PALS2: variants seen among roughly 807,000 people sequenced by gnomAD.
The protein encoded by PALS2 is protein associated with LIN7 2, MAGUK p55 family member.
PALS2 carries 27 observed loss-of-function variants against 61.6 expected under a neutral mutation model. That is an observed-to-expected ratio of 0.44 (90% CI 0.32 to 0.60). The LOEUF (loss-of-function observed/expected upper bound fraction) is 0.60, where lower values mean the gene tolerates loss of function less well. Among genes scored for constraint, PALS2 ranks in the 20% least tolerant of loss-of-function variants. PALS2 has a pLI of 0.05. For synonymous variants in PALS2, 236 were observed against 218.6 expected (o/e 1.08, Z -0.70); for missense variants, 554 against 639.4 (o/e 0.87, Z 1.44).
chr7:24,662,253 C>T (rs1368360330), intron 5 of PALS2, among the ~76,000 whole-genome samples: 2 of 152,168 alleles, frequency 1.3e-5, no homozygotes, highest in Non-Finnish European at 2.9e-5. Context: ...TTGTATGCAT[C>T]GATCACAATA....
intron 1 of PALS2, among the ~76,000 whole-genome samples, chr7:24,581,375 C>G (rs1296522291): frequency 6.6e-6 from 1 of 151,970 alleles, no homozygotes; most frequent in Non-Finnish European, 1.5e-5. Flanking sequence ...ATCACAAGAT[C>G]TTTAATCACA....
intron 5 of PALS2, among the ~76,000 whole-genome samples, chr7:24,659,237 T>A (rs1184525653): frequency 5.3e-5 from 8 of 152,212 alleles, no homozygotes; most frequent in Non-Finnish European, 8.8e-5. Context: ...ATTTTCTTTA[T>A]CCAGTCCACC....
At chr7:24,648,732 C>T (rs558649963) in intron 3 of PALS2, among the ~76,000 whole-genome samples, 4 of 151,744 alleles carry the variant, frequency 2.6e-5, no homozygotes, top group South Asian at 4.2e-4. Flanking sequence ...GGTGAAACCC[C>T]GTCTCTACTA....
chr7:24,684,940 A>AT (rs575789240), intron 11 of PALS2, among the ~76,000 whole-genome samples: 176 of 150,322 alleles, frequency 1.2e-3, no homozygotes, highest in Middle Eastern at 0.01. Flanking sequence ...ATCCCACTAG[A>AT]TTTTTTTTTT....
chr7:24,680,401 G>A lies in PALS2; in HGVS notation c.1327G>A (p.Val443Ile). 5 of 1,612,356 alleles carry A rather than the reference G, an allele frequency of 3.1e-6. No individual in the cohort carries two copies. The highest frequency in any genetic ancestry group is 4.2e-6 in the Non-Finnish European group (5 of 1,178,532). ...ILDVNPQALK[V>I]LRTSEFMPYV... ...TTATTCTTTTACACAGGCACTGAAA[G>A]TATTGAGGACATCAGAGTTTATGCC... is the stretch of plus-strand genomic sequence containing the variant. Residue 443 changes from valine (V) to isoleucine (I), a missense_variant, in exon 11 of 12, where the codon GTA becomes ATA. Transcript: ENST00000222644.
intron 6 of PALS2, 48 bp from the exon 7 acceptor site, chr7:24,665,540 T>C (rs1484680794): frequency 1.3e-6 from 2 of 1,535,954 alleles, no homozygotes; most frequent in South Asian, 2.2e-5. Flanking sequence ...TAGAATATGG[T>C]CTCAAATTTT....
intron 9 of PALS2, among the ~76,000 whole-genome samples, chr7:24,669,408 G>T (rs1473354421): frequency 1.3e-5 from 2 of 152,112 alleles, no homozygotes; most frequent in African/African-American, 4.8e-5. Context: ...CTGACTGTAG[G>T]GACTAATAAA....
chr7:24,643,786 A>G (rs1236879499), intron 3 of PALS2, among the ~76,000 whole-genome samples: 1 of 152,140 alleles, frequency 6.6e-6, no homozygotes, highest in Non-Finnish European at 1.5e-5. Context: ...TCTATTTCCT[A>G]TAAACAGAAG....
At chr7:24,640,424 T>C (rs1007960170) in intron 2 of PALS2, among the ~76,000 whole-genome samples, 6 of 152,214 alleles carry the variant, frequency 3.9e-5, no homozygotes, top group Non-Finnish European at 7.3e-5. Flanking sequence ...AAAAATAACA[T>C]CTAAAGTATG....
chr7:24,685,083 G>A (rs1278617574), intron 11 of PALS2, among the ~76,000 whole-genome samples: 2 of 151,982 alleles, frequency 1.3e-5, no homozygotes, highest in East Asian at 3.9e-4. Flanking sequence ...ACATCCATTA[G>A]CTATTCTTCC....
chr7:24,637,813 T>C (rs1342439314), intron 2 of PALS2, among the ~76,000 whole-genome samples: 1 of 152,198 alleles, frequency 6.6e-6, no homozygotes, highest in Non-Finnish European at 1.5e-5. Flanking sequence ...AATAAAATTC[T>C]CAGAACTGGA....
intron 1 of PALS2, among the ~76,000 whole-genome samples, chr7:24,617,325 C>T (rs1784328261): frequency 6.6e-6 from 1 of 152,044 alleles, no homozygotes; most frequent in Non-Finnish European, 1.5e-5. Flanking sequence ...TATTTTGTAT[C>T]TCACTGTTTC....
At position 24,587,144 on chromosome 7, in the gene PALS2, A is replaced by G. The variant is rs1203190464; in HGVS notation, c.-3+13551A>G. ...GACTAAGTTAATACTAAAGGATGGA[A>G]AAGTTCTTTAGAGACTACCTACTTC... On this transcript the variant is annotated intron_variant, in intron 1 of 11. Transcript: ENST00000222644. 2.0e-5 allele frequency among the ~76,000 whole-genome samples: 3 copies of G among 152,012 alleles called. No individual in the cohort carries two copies. In the East Asian group the frequency reaches 5.8e-4, roughly 29 times the overall value.
intron 6 of PALS2, among the ~76,000 whole-genome samples, chr7:24,664,368 A>G (rs1786905560): frequency 6.6e-6 from 1 of 152,160 alleles, no homozygotes; most frequent in Non-Finnish European, 1.5e-5. Flanking sequence ...AGCAGCAGTA[A>G]TAAGTCTGTT....
rs182226299 is a variant in PALS2, at chr7:24,586,118, C to A, written c.-3+12525C>A. 2.6e-5 allele frequency among the ~76,000 whole-genome samples: 4 copies of A among 151,980 alleles called. No homozygotes were observed. The East Asian group carries it at 7.7e-4, about 29-fold the overall frequency. On this transcript the variant is annotated intron_variant, in intron 1 of 11. Transcript: ENST00000222644. ...GGGAAGAAGCAGTTTCTTTGTATTCCCCCAGTCAGGCATCATCCATGAACA... is the reference window on the plus strand; with the variant it reads ...GGGAAGAAGCAGTTTCTTTGTATTCACCCAGTCAGGCATCATCCATGAACA...
At chr7:24,658,626 G>A (rs181513318) in intron 5 of PALS2, among the ~76,000 whole-genome samples, 11 of 150,236 alleles carry the variant, frequency 7.3e-5, no homozygotes, top group South Asian at 2.1e-4. Flanking sequence ...GCACGATCTC[G>A]GCTCACTGCA....
intron 2 of PALS2, among the ~76,000 whole-genome samples, chr7:24,628,655 A>G (rs1043858779): frequency 6.6e-6 from 1 of 152,186 alleles, no homozygotes; most frequent in African/African-American, 2.4e-5. Context: ...GTCTCAGGAT[A>G]CAAAATCAGC....
At chr7:24,578,627 T>C (rs907752641) in intron 1 of PALS2, among the ~76,000 whole-genome samples, 2 of 152,202 alleles carry the variant, frequency 1.3e-5, no homozygotes, top group African/African-American at 4.8e-5. Flanking sequence ...GTGGAAAATA[T>C]GGCCACCAGT....
At chr7:24,672,243 G>GTT (rs1787335983) in intron 9 of PALS2, among the ~76,000 whole-genome samples, 1 of 148,992 alleles carries the variant, frequency 6.7e-6, no homozygotes, top group Admixed American at 6.7e-5. Context: ...GTTTTGTTTT[G>GTT]TTGAGATGGA....
Sources: allele counts gnomAD v4.1 joint callset (sites outside exome capture counted in the v4.1 genomes callset), GRCh38; gene constraint gnomAD v4.1.1; transcripts MANE v1.5; gene names NCBI Gene and HGNC (gene_info 2026-07-23, HGNC 2026-07-21).